Variants in DDX43 observed in about 807,000 individuals in gnomAD.
DDX43 encodes the protein probable ATP-dependent RNA helicase DDX43.
Under a neutral mutation model 84.9 loss-of-function variants are expected in DDX43, and 50 were observed. The observed-to-expected ratio is 0.59, with a 90% CI of 0.47 to 0.75. The LOEUF is 0.75. Ranked by LOEUF, DDX43 falls within the 30% of genes least tolerant of loss-of-function variation. The probability of loss-of-function intolerance (pLI) is 0.00; values close to 1 mark genes in which losing one functional copy is unlikely to be tolerated. For missense variants in DDX43, 689 were observed against 798.6 expected (o/e 0.86, Z 1.65); for synonymous variants, 291 against 266.3 (o/e 1.09, Z -0.90).
At chr6:73,407,124 A>T (rs1769701076) in intron 7 of DDX43, 2 of 158,818 alleles carry the variant, frequency 1.3e-5, no homozygotes, top group South Asian at 1.8e-4. Context: ...ATTGCTACAA[A>T]TTTTTTTTTT....
intron 15 of DDX43, among the ~76,000 whole-genome samples, 198 bp downstream of exon 15, chr6:73,415,782 C>T (rs1050630159): frequency 2.0e-5 from 3 of 152,040 alleles, no homozygotes; most frequent in Non-Finnish European, 2.9e-5. Context: ...GCAATGAAAG[C>T]CCCGCCAAGG....
rs755133755 is a variant in DDX43, at chr6:73,412,232, C to T, written c.1308C>T (p.Arg436=). ...CTACATGGCCTCATTCAGTTCATCG[C>T]CTCGCACAATCTTATTTGAAAGAAC... ...TSATWPHSVH[R]LAQSYLKEPM... Residue 436 remains arginine, a synonymous_variant, in exon 11 of 17, where the codon CGC becomes CGT. Transcript: ENST00000370336. The T allele has an allele frequency of 4.3e-6, 7 of 1,613,626 alleles. No individual in the cohort carries two copies. Among genetic ancestry groups the T allele is most frequent in the Non-Finnish European group, 5.9e-6 (7 of 1,179,864 alleles).
intron 5 of DDX43, 99 bp from the exon 6 acceptor site, chr6:73,405,580 T>G: frequency 8.8e-7 from 1 of 1,141,956 alleles, no homozygotes; most frequent in East Asian, 2.5e-5. Context: ...TTTAATCAGT[T>G]GCAGTTGAAT....
intron 6 of DDX43, 104 bp downstream of exon 6, chr6:73,405,939 C>A: frequency 1.9e-6 from 2 of 1,053,690 alleles, no homozygotes; most frequent in Non-Finnish European, 2.7e-6. Context: ...AGCATTCCAC[C>A]AGCACCTTCT....
chr6:73,401,595 G>T (rs1259871444), intron 3 of DDX43, among the ~76,000 whole-genome samples: 1 of 152,142 alleles, frequency 6.6e-6, no homozygotes, highest in East Asian at 1.9e-4. Context: ...AAGGTCAGGA[G>T]ATCGAGACCA....
At chr6:73,395,438 C>T (rs1769447489) in intron 1 of DDX43, among the ~76,000 whole-genome samples, 1 of 151,926 alleles carries the variant, frequency 6.6e-6, no homozygotes, top group African/African-American at 2.4e-5. Flanking sequence ...AACCCTGTCT[C>T]TACTAAAAAT....
intron 4 of DDX43, 29 bp downstream of exon 4, chr6:73,402,019 T>C: frequency 6.2e-7 from 1 of 1,610,704 alleles, no homozygotes; most frequent in South Asian, 1.1e-5. Context: ...TATTTACATA[T>C]ATTGTTTCTG....
rs138958030 is a variant in DDX43 at position 73,412,235 on chromosome 6, C to T, written c.1311C>T (p.Leu437=). The T allele has an allele frequency of 1.2e-4, 189 of 1,613,542 alleles. No individual in the cohort carries two copies. Among genetic ancestry groups the T allele is most frequent in the Non-Finnish European group, 1.5e-4 (177 of 1,179,922 alleles). ...CATGGCCTCATTCAGTTCATCGCCT[C>T]GCACAATCTTATTTGAAAGAACCAA... The part of the protein sequence containing the change: ...SATWPHSVHR[L]AQSYLKEPMI... The change falls in exon 11 of 17, where the codon CTC becomes CTT. Residue 437 remains leucine, a synonymous_variant. Transcript: ENST00000370336.
intron 16 of DDX43, 92 bp downstream of exon 16, chr6:73,416,343 A>G: frequency 1.6e-6 from 1 of 606,720 alleles, no homozygotes; most frequent in Non-Finnish European, 3.0e-6. Context: ...ATGATCTCTA[A>G]GTCATTAACA....
At chr6:73,397,839 G>C in intron 2 of DDX43, 95 bp downstream of exon 2, 2 of 1,155,722 alleles carry the variant, frequency 1.7e-6, no homozygotes, top group East Asian at 4.7e-5. Flanking sequence ...GCCTCATTCT[G>C]TCTCCCAGGC....
At chr6:73,401,779 G>C in intron 3 of DDX43, 80 bp from the exon 4 acceptor site, 1 of 1,361,922 alleles carries the variant, frequency 7.3e-7, no homozygotes, top group Non-Finnish European at 9.7e-7. Context: ...TCCAGCCTGG[G>C]GGACAGAGCG....
chr6:73,412,637 T>TATATAGTGTG (rs1562286057), intron 11 of DDX43, among the ~76,000 whole-genome samples: 1 of 35,832 alleles, frequency 2.8e-5, no homozygotes, highest in Non-Finnish European at 7.3e-5. Context: ...TATATATATA[T>TATATAGTGTG]AGTGTGTGTG....
chr6:73,400,163 A>AG (rs1769537575), intron 2 of DDX43, 71 bp from the exon 3 acceptor site: 5 of 1,347,562 alleles, frequency 3.7e-6, no homozygotes, highest in Non-Finnish European at 5.1e-6. Flanking sequence ...GGAAGGGGTT[A>AG]GGGGCTTAGG....
intron 16 of DDX43, among the ~76,000 whole-genome samples, 153 bp downstream of exon 16, chr6:73,416,404 A>G (rs372322041): frequency 2.6e-5 from 4 of 152,330 alleles, no homozygotes; most frequent in South Asian, 2.1e-4. Flanking sequence ...CTGGGTATAC[A>G]TGGAAAAGAA....
In DDX43 at chr6:73,414,004, A is replaced by AAT. The variant is rs1395244838; in HGVS notation, c.1536_1537dup (p.Ser513TyrfsTer3). 1.9e-6 allele frequency: 3 copies of AAT among 1,612,326 alleles called. No homozygotes were observed. In the African/African-American group the frequency reaches 4.0e-5, roughly 22 times the overall value. On this transcript the variant is annotated frameshift_variant, in exon 13 of 17. Coordinates refer to ENST00000370336, the MANE Select transcript of DDX43 (RefSeq NM_018665.3). LOFTEE classifies it high-confidence loss of function. ...CTTATCAAGTGACCTAATACTTGGAAATATATCAGTAGAGTCTCTGCATGG... is the reference window on the plus strand; with the variant it reads ...CTTATCAAGTGACCTAATACTTGGAAATATATATCAGTAGAGTCTCTGCATGG...
At chr6:73,416,656 A>G (rs997455145) in intron 16 of DDX43, among the ~76,000 whole-genome samples, 7 of 152,250 alleles carry the variant, frequency 4.6e-5, no homozygotes, top group Non-Finnish European at 7.3e-5. Context: ...GAATAGTACA[A>G]TTCACAGTGA....
At position 73,405,699 on chromosome 6, in the gene DDX43, C is replaced by T. The variant is rs1281577581; in HGVS notation, c.671C>T (p.Thr224Met). ...DSWRKENFNI[T>M]WDDLKDGEKR... ...TGAAGGAAAGAAAATTTTAATATAA[C>T]GTGGGATGACTTGAAGGATGGGGAG... Residue 224 changes from threonine (T) to methionine (M), a missense_variant, in exon 6 of 17, where the codon ACG becomes ATG. Thr to Met is a moderately conservative substitution (Grantham distance 81). Coordinates refer to ENST00000370336, the MANE Select transcript of DDX43 (RefSeq NM_018665.3). The T allele has an allele frequency of 5.0e-6, 8 of 1,613,510 alleles. No individual in the cohort carries two copies. The highest frequency in any genetic ancestry group is 5.9e-6 in the Non-Finnish European group (7 of 1,179,844).
At position 73,415,504 on chromosome 6, in the gene DDX43, G is replaced by T; in HGVS notation, c.1753G>T (p.Gly585Cys). The T allele has an allele frequency of 1.2e-6, 2 of 1,611,720 alleles. No homozygotes were observed. Among genetic ancestry groups the T allele is most frequent in the Non-Finnish European group, 1.7e-6 (2 of 1,178,194 alleles). ...TTTTCCCCCACACTAAAGGAGGACT[G>T]GTGTTTCCATTACAACTTTGACTAG... ...IGRTGRAGRT[G>C]VSITTLTRND... The change falls in exon 15 of 17, where the codon GGT (glycine) becomes TGT (cysteine). Residue 585 changes from glycine to cysteine, a missense_variant. Around this residue, in one of 2 missense-constraint regions of DDX43, gnomAD observed 552 missense variants for 692.7 expected, o/e 0.80. Transcript: ENST00000370336.
intron 1 of DDX43, 39 bp downstream of exon 1, chr6:73,395,194 G>C: frequency 2.6e-6 from 4 of 1,561,526 alleles, no homozygotes; most frequent in Non-Finnish European, 3.5e-6. Context: ...GATAGGTGGG[G>C]CCAGGGGCGG....
Sources: gnomAD v4.1 joint callset for allele counts (sites outside exome capture counted in the v4.1 genomes callset) on GRCh38, gnomAD v4.1.1 for gene constraint, gnomAD v4.1.1 regional missense constraint, MANE v1.5 for transcripts, NCBI Gene and HGNC (gene_info 2026-07-23, HGNC 2026-07-21) for gene names.